Variants in TIAM2 observed in about 807,000 individuals in gnomAD.
The protein encoded by TIAM2 is TIAM Rac1 associated GEF 2.
Under a neutral mutation model 152.9 loss-of-function variants are expected in TIAM2, and 80 were observed. The observed-to-expected ratio is 0.52, with a 90% CI of 0.44 to 0.63. The LOEUF (loss-of-function observed/expected upper bound fraction) is 0.63. Among genes scored for constraint, TIAM2 ranks in the 30% least tolerant of loss-of-function variants. The pLI is 0.00. For synonymous variants in TIAM2, 804 were observed against 838.0 expected (o/e 0.96, Z 0.70); for missense variants, 1,965 against 2,120.1 (o/e 0.93, Z 1.44).
At position 155,137,478 on chromosome 6, in the gene TIAM2, TCTTTGAGAAGGAACAGGG is replaced by T. The variant is rs745999445; in HGVS notation, c.1497_1514del (p.Phe500_Gly505del). On this transcript the variant is annotated inframe_deletion, in exon 5 of 27. Coordinates refer to ENST00000682666, the MANE Select transcript of TIAM2 (RefSeq NM_012454.4). ...AGCTCTCTGGAACAGCTGGATCTGC[TCTTTGAGAAGGAACAGGG>T]GGTGGTCCGGAAGGCCGGGTGGCTC... 3 of 1,614,162 alleles carry T rather than the reference TCTTTGAGAAGGAACAGGG, an allele frequency of 1.9e-6. No homozygotes were observed. Among genetic ancestry groups the T allele is most frequent in the Admixed American group, 1.7e-5 (1 of 60,022 alleles).
chr6:155,125,656 C>G (rs140446849), intron 2 of TIAM2, among the ~76,000 whole-genome samples: 1 of 152,038 alleles, frequency 6.6e-6, no homozygotes, highest in Non-Finnish European at 1.5e-5. Flanking sequence ...CTGGCCAACA[C>G]GGTGAAGCCC....
rs1784121809 is a variant in TIAM2, at chr6:155,257,281, A to T, written c.*160A>T. Reference sequence around the variant, plus strand: ...TGGTTGTAAAGATTTAAGTTATTTTAATTTATTGTGGATCAGAAACCTAGA... The same window carrying T: ...TGGTTGTAAAGATTTAAGTTATTTTTATTTATTGTGGATCAGAAACCTAGA... On this transcript the variant is annotated 3_prime_UTR_variant, in exon 27 of 27. Coordinates refer to ENST00000682666, the MANE Select transcript of TIAM2 (RefSeq NM_012454.4). 4 of 825,814 alleles carry T rather than the reference A, an allele frequency of 4.8e-6. No homozygotes were observed. The highest frequency in any genetic ancestry group is 1.7e-5 in the African/African-American group (1 of 57,412). 51.2% of individuals were successfully genotyped at this position (825,814 alleles called of 1,614,324 possible).
At chr6:155,198,182 T>C (rs1032372137) in intron 14 of TIAM2, among the ~76,000 whole-genome samples, 1 of 152,214 alleles carries the variant, frequency 6.6e-6, no homozygotes, top group Non-Finnish European at 1.5e-5. Flanking sequence ...GTATGGCTGA[T>C]ATGAAAGTTG....
chr6:155,168,732 G>T (rs1780503153), intron 9 of TIAM2: 2 of 827,502 alleles, frequency 2.4e-6, no homozygotes, highest in African/African-American at 3.5e-5. Context: ...ATTGTGATAT[G>T]AAGCTCTTCT....
intron 1 of TIAM2, among the ~76,000 whole-genome samples, chr6:155,034,270 A>G (rs1016312693): frequency 1.3e-5 from 2 of 151,740 alleles, no homozygotes; most frequent in Non-Finnish European, 2.9e-5. Flanking sequence ...GTTTTGTTTG[A>G]GATAGAGTCT....
intron 1 of TIAM2, among the ~76,000 whole-genome samples, chr6:155,015,797 C>G (rs1778565320): frequency 6.6e-6 from 1 of 151,730 alleles, no homozygotes; most frequent in South Asian, 2.1e-4. Flanking sequence ...ATTAGCTGGG[C>G]ATGGTGGTGG....
intron 1 of TIAM2, among the ~76,000 whole-genome samples, chr6:155,034,198 G>A (rs2114895404): frequency 6.6e-6 from 1 of 152,214 alleles, no homozygotes; most frequent in Non-Finnish European, 1.5e-5. Flanking sequence ...GCCAGTTTCT[G>A]CCCAGTCAAT....
At chr6:155,105,567 A>AC (rs1037046982) in intron 2 of TIAM2, among the ~76,000 whole-genome samples, 10 of 150,272 alleles carry the variant, frequency 6.7e-5, no homozygotes, top group African/African-American at 2.4e-4. Flanking sequence ...TGTAGCTTGG[A>AC]CCACAGGTGT....
intron 13 of TIAM2, among the ~76,000 whole-genome samples, chr6:155,182,759 G>A (rs889866240): frequency 6.6e-6 from 1 of 152,170 alleles, no homozygotes; most frequent in Non-Finnish European, 1.5e-5. Context: ...ATGGAACAAA[G>A]TTAACATGGG....
rs1326498142 is a variant in TIAM2 at position 155,104,552 on chromosome 6, T to G, written c.-118+14173T>G. On this transcript the variant is annotated intron_variant, in intron 2 of 26. Transcript: ENST00000682666. ...GTGGGCAGATCATGAGGTCAGGAGA[T>G]CGAGACCATCCTGGCTAACACAGTG... Among the ~76,000 whole-genome samples, 2 of 151,994 alleles carry G rather than the reference T, an allele frequency of 1.3e-5. 1 individual carries two copies. The highest frequency in any genetic ancestry group is 2.9e-5 in the Non-Finnish European group (2 of 67,994).
Position 155,257,180 on chromosome 6 carries a change from G to C in TIAM2, c.*59G>C. The C allele has an allele frequency of 1.2e-6, 1 of 845,272 alleles. No individual in the cohort carries two copies. The highest frequency in any genetic ancestry group is 1.6e-5 in the South Asian group (1 of 63,170). 52.4% of individuals were successfully genotyped at this position (845,272 alleles called of 1,614,324 possible). On this transcript the variant is annotated 3_prime_UTR_variant, in exon 27 of 27. Coordinates refer to ENST00000682666, the MANE Select transcript of TIAM2 (RefSeq NM_012454.4). ...ATTTTACTTTTAAACTGGTGGTAAAGTGGAAATTGCAAAAAAAAAAAAAAA... is the reference window on the plus strand; with the variant it reads ...ATTTTACTTTTAAACTGGTGGTAAACTGGAAATTGCAAAAAAAAAAAAAAA...
At position 155,257,587 on chromosome 6, in the gene TIAM2, TTG is replaced by T. The variant is rs1784148396; in HGVS notation, c.*468_*469del. On this transcript the variant is annotated 3_prime_UTR_variant, in exon 27 of 27. Transcript: ENST00000682666. Reference sequence around the variant, plus strand: ...AGATACTTCATTTTTGTAAGATAGATTGTAATAGATGCTGTTTATACTAAACA... The same window carrying T: ...AGATACTTCATTTTTGTAAGATAGATTAATAGATGCTGTTTATACTAAACA... 1 of 460,404 alleles carries T rather than the reference TTG, an allele frequency of 2.2e-6. No individual in the cohort carries two copies. Among genetic ancestry groups the T allele is most frequent in the East Asian group, 4.1e-5 (1 of 24,624 alleles). The allele number at this position is 460,404 out of a possible 1,614,324, so 28.5% of individuals were successfully genotyped here.
intron 1 of TIAM2, among the ~76,000 whole-genome samples, chr6:155,011,571 GT>G (rs1028337557): frequency 5.3e-5 from 8 of 152,132 alleles, no homozygotes; most frequent in Non-Finnish European, 1.0e-4. Flanking sequence ...TCTCCTCAGA[GT>G]GTCTGACAAT....
At chr6:155,117,535 T>C (rs1323697134) in intron 2 of TIAM2, among the ~76,000 whole-genome samples, 1 of 152,168 alleles carries the variant, frequency 6.6e-6, no homozygotes, top group East Asian at 1.9e-4. Context: ...CTCCGCCTCC[T>C]GGGCTCAAGC....
intron 1 of TIAM2, among the ~76,000 whole-genome samples, chr6:155,002,084 A>G (rs1384617159): frequency 2.6e-5 from 4 of 152,334 alleles, no homozygotes; most frequent in African/African-American, 9.6e-5. Flanking sequence ...CCTTCTTAGA[A>G]TATTGTTTTG....
intron 1 of TIAM2, among the ~76,000 whole-genome samples, chr6:155,047,690 A>AGAGAGAG: frequency 3.3e-5 from 1 of 30,732 alleles, no homozygotes; most frequent in East Asian, 4.1e-4. Context: ...GAGAGAGAGG[A>AGAGAGAG]GAGAGAGAGA....
intron 14 of TIAM2, among the ~76,000 whole-genome samples, chr6:155,200,013 G>A (rs1415024705): frequency 2.0e-5 from 3 of 152,098 alleles, no homozygotes; most frequent in Non-Finnish European, 4.4e-5. Context: ...GTGTCTTCCT[G>A]TTTTTCCTTC....
In TIAM2 at chr6:155,159,703, C is replaced by CTT. The variant is rs1780216662; in HGVS notation, c.2029-4709_2029-4708dup. On this transcript the variant is annotated intron_variant, in intron 7 of 26. Coordinates refer to ENST00000682666, the MANE Select transcript of TIAM2 (RefSeq NM_012454.4). ...CTTCTGAATCAGGGGCCTCACCGTA[C>CTT]TTTTACTTGAATACTCTTTCAAGTT... 7.2e-5 allele frequency among the ~76,000 whole-genome samples: 11 copies of CTT among 152,302 alleles called. No individual in the cohort carries two copies. In the South Asian group the frequency reaches 2.3e-3, roughly 32 times the overall value.
intron 1 of TIAM2, among the ~76,000 whole-genome samples, chr6:154,999,968 C>T (rs185500337): frequency 6.6e-6 from 1 of 152,158 alleles, no homozygotes; most frequent in African/African-American, 2.4e-5. Context: ...TGAGCCACCG[C>T]GCCCAACCTC....
Sources: allele counts gnomAD v4.1 joint callset (sites outside exome capture counted in the v4.1 genomes callset), GRCh38; gene constraint gnomAD v4.1.1; transcripts MANE v1.5; gene names NCBI Gene and HGNC (gene_info 2026-07-23, HGNC 2026-07-21).